Variants in CPSF6 observed in about 807,000 individuals in gnomAD.
CPSF6 encodes the protein cleavage and polyadenylation specific factor 6, also known as cleavage and polyadenylation specificity factor subunit 6.
A neutral mutation model predicts 56.7 loss-of-function variants in CPSF6; 10 were observed. That is an observed-to-expected ratio of 0.18 (90% CI 0.11 to 0.30). The LOEUF is 0.30. CPSF6 is among the 10% of genes least tolerant of loss of function. The pLI, the probability that CPSF6 is intolerant of heterozygous loss-of-function variation, is 1.00. For synonymous variants in CPSF6, 248 were observed against 244.8 expected (o/e 1.01, Z -0.12); for missense variants, 419 against 722.9 (o/e 0.58, Z 4.82).
chr12:69,263,596 A>G (rs894401218), intron 9 of CPSF6, among the ~76,000 whole-genome samples: 1 of 152,058 alleles, frequency 6.6e-6, no homozygotes, highest in African/African-American at 2.4e-5. Flanking sequence ...TCTTTATGTG[A>G]TTATTTTCAG....
rs961556112 is a variant in CPSF6, at chr12:69,270,545, A to G, written c.*1037A>G. ...GGTAAATGTGAGTAAAGAGAGCCTTATATTTTCCAATTGGTATAAATTTTT... is the reference window on the plus strand; with the variant it reads ...GGTAAATGTGAGTAAAGAGAGCCTTGTATTTTCCAATTGGTATAAATTTTT... On this transcript the variant is annotated 3_prime_UTR_variant, in exon 10 of 10. Coordinates refer to ENST00000435070, the MANE Select transcript of CPSF6 (RefSeq NM_007007.3). The G allele has an allele frequency of 6.6e-6, 1 of 151,758 alleles. No individual in the cohort carries two copies. Among genetic ancestry groups the G allele is most frequent in the African/African-American group, 2.4e-5 (1 of 41,412 alleles). 9.4% of individuals were successfully genotyped at this position (151,758 alleles called of 1,614,324 possible).
At chr12:69,262,667 A>G in intron 9 of CPSF6, 105 bp downstream of exon 9, 1 of 1,230,004 alleles carries the variant, frequency 8.1e-7, no homozygotes, top group Non-Finnish European at 1.1e-6. Context: ...AAATGGTCCA[A>G]CTACTTGTGA....
At chr12:69,243,791 C>G (rs145153203) in intron 1 of CPSF6, among the ~76,000 whole-genome samples, 30 of 152,272 alleles carry the variant, frequency 2.0e-4, no homozygotes, top group African/African-American at 5.8e-4. Context: ...TCAGGCTACA[C>G]TAAATTTATT....
intron 1 of CPSF6, among the ~76,000 whole-genome samples, chr12:69,241,113 C>T (rs1565640716): frequency 6.6e-6 from 1 of 152,098 alleles, no homozygotes; most frequent in Non-Finnish European, 1.5e-5. Flanking sequence ...GACTTTGTGC[C>T]TCTGGTTTAA....
At chr12:69,241,692 G>A (rs1345707232) in intron 1 of CPSF6, among the ~76,000 whole-genome samples, 3 of 152,204 alleles carry the variant, frequency 2.0e-5, no homozygotes, top group Admixed American at 6.5e-5. Context: ...TGGACCCAAT[G>A]AGGAACTCCT....
chr12:69,254,738 TAAG>T (rs1047667412), intron 3 of CPSF6, among the ~76,000 whole-genome samples: 48 of 152,266 alleles, frequency 3.2e-4, no homozygotes, highest in African/African-American at 1.1e-3. Context: ...TTGACTAAAA[TAAG>T]AAGGATAATT....
chr12:69,256,266 T>TG (rs931581269), intron 3 of CPSF6, among the ~76,000 whole-genome samples: 9 of 152,158 alleles, frequency 5.9e-5, no homozygotes, highest in African/African-American at 2.2e-4. Context: ...AGTTTCTTTT[T>TG]GGGGTGATGA....
intron 1 of CPSF6, among the ~76,000 whole-genome samples, chr12:69,241,326 TCTAACG>T (rs1871604997): frequency 6.6e-6 from 1 of 152,252 alleles, no homozygotes; most frequent in African/African-American, 2.4e-5. Flanking sequence ...CAACACAGGT[TCTAACG>T]CTTATAAGAC....
intron 1 of CPSF6, 144 bp downstream of exon 1, chr12:69,239,850 G>A: frequency 1.5e-6 from 1 of 661,768 alleles, no homozygotes; most frequent in Non-Finnish European, 2.1e-6. Flanking sequence ...GACCCCTGGC[G>A]TGGCGCCCCC....
Position 69,250,605 on chromosome 12 carries a change from AAAG to A in CPSF6, c.61-521_61-519del, listed in dbSNP as rs1326718142. On this transcript the variant is annotated intron_variant, in intron 1 of 9. Coordinates refer to ENST00000435070, the MANE Select transcript of CPSF6 (RefSeq NM_007007.3). Reference sequence around the variant, plus strand: ...CTGGTCTCTACAAAAAAAAAAAAAAAAAGAAAAAAAAGAAAAGAAATAAAGGAA... The same window carrying A: ...CTGGTCTCTACAAAAAAAAAAAAAAAAAAAAAAAGAAAAGAAATAAAGGAA... Among the ~76,000 whole-genome samples the A allele has an allele frequency of 7.6e-3, 825 of 108,568 alleles. 21 individuals are homozygous for A. Among genetic ancestry groups the A allele is most frequent in the Non-Finnish European group, 0.011 (543 of 51,530 alleles). The allele number at this position is 108,568 out of a possible 152,430, so 71.2% of individuals were successfully genotyped here.
chr12:69,261,388 G>A (rs1185837500), intron 8 of CPSF6, among the ~76,000 whole-genome samples: 1 of 151,952 alleles, frequency 6.6e-6, no homozygotes, highest in Non-Finnish European at 1.5e-5. Flanking sequence ...GGCCACATAA[G>A]GAGTTTTTCT....
Position 69,251,395 on chromosome 12 carries a change from G to C in CPSF6, c.270+57G>C, listed in dbSNP as rs377589979. ...TGGTAATTGATTTTGAACTGCTCTA[G>C]TAATTAATGTTTTTCTCCAGATTTT... On this transcript the variant is annotated intron_variant, in intron 2 of 9. Transcript: ENST00000435070. 302 of 1,114,330 alleles carry C rather than the reference G, an allele frequency of 2.7e-4. 1 individual carries two copies. The African/African-American group carries it at 2.9e-3, about 11-fold the overall frequency. The allele number at this position is 1,114,330 out of a possible 1,614,324, so 69.0% of individuals were successfully genotyped here.
chr12:69,256,103 G>C (rs1872497335), intron 3 of CPSF6, among the ~76,000 whole-genome samples: 1 of 152,204 alleles, frequency 6.6e-6, no homozygotes, highest in Non-Finnish European at 1.5e-5. Context: ...AAACATGCTA[G>C]TTAAAGAAGG....
chr12:69,258,542 CT>C lies in CPSF6; in HGVS notation c.695-46del. 6.6e-7 allele frequency: 1 copy of C among 1,504,384 alleles called. No homozygotes were observed. The highest frequency in any genetic ancestry group is 8.8e-7 in the Non-Finnish European group (1 of 1,133,930). 93.2% of individuals were successfully genotyped at this position (1,504,384 alleles called of 1,614,324 possible). On this transcript the variant is annotated intron_variant, in intron 5 of 9. Transcript: ENST00000435070. The surrounding 1 kb of genome is among the most constrained non-coding windows in gnomAD (Gnocchi z 4.2). Reference sequence around the variant, plus strand: ...TCTTGGCATATAAAAGTTAAAATATCTTATTAGTGAAGTGTTTTTTTTTCTC... The same window carrying C: ...TCTTGGCATATAAAAGTTAAAATATCTATTAGTGAAGTGTTTTTTTTTCTC...
At chr12:69,247,369 G>GT (rs77776712) in intron 1 of CPSF6, among the ~76,000 whole-genome samples, 4,366 of 141,786 alleles carry the variant, frequency 0.031, 65 homozygotes, top group East Asian at 0.036. Context: ...AAATTAGTGA[G>GT]TTTTTTTTTT....
rs1266206276 is a variant in CPSF6, at chr12:69,258,191, T to G, written c.694+286T>G. On this transcript the variant is annotated intron_variant, in intron 5 of 9. Coordinates refer to ENST00000435070, the MANE Select transcript of CPSF6 (RefSeq NM_007007.3). The surrounding 1 kb of genome is among the most constrained non-coding windows in gnomAD (Gnocchi z 4.2). ...TTGCTTGACTTATATATAGAATATT[T>G]ACATCCGTCTTACTTTCTTACCTCT... 11 of 1,036,458 alleles carry G rather than the reference T, an allele frequency of 1.1e-5. No homozygotes were observed. The highest frequency in any genetic ancestry group is 1.5e-5 in the Non-Finnish European group (11 of 709,758). The allele number at this position is 1,036,458 out of a possible 1,614,324, so 64.2% of individuals were successfully genotyped here.
chr12:69,257,463 C>T (rs1276450820), intron 4 of CPSF6, among the ~76,000 whole-genome samples: 1 of 152,140 alleles, frequency 6.6e-6, no homozygotes, highest in Non-Finnish European at 1.5e-5. Flanking sequence ...TGAAGAATTT[C>T]GGTCTTGGCT....
intron 9 of CPSF6, among the ~76,000 whole-genome samples, chr12:69,263,096 ATTT>A (rs59954696): frequency 6.7e-6 from 1 of 149,942 alleles, no homozygotes. Flanking sequence ...TAAAAAAAAA[ATTT>A]TTTTTTTTAG....
chr12:69,240,773 A>C (rs1341844834), intron 1 of CPSF6, among the ~76,000 whole-genome samples: 1 of 144,156 alleles, frequency 6.9e-6, no homozygotes, highest in Admixed American at 7.1e-5. Context: ...CGTTGCTTAG[A>C]GGTAACGCGG....
Sources: allele counts gnomAD v4.1 joint callset (sites outside exome capture counted in the v4.1 genomes callset), GRCh38; gene constraint gnomAD v4.1.1; non-coding constraint Gnocchi (gnomAD v3.1); transcripts MANE v1.5; gene names NCBI Gene and HGNC (gene_info 2026-07-23, HGNC 2026-07-21).